ARSF: variants seen among roughly 807,000 people sequenced by gnomAD.
ARSF encodes the protein arylsulfatase F.
Under a neutral mutation model 35.4 loss-of-function variants are expected in ARSF, and 33 were observed. The observed-to-expected ratio is 0.93, with a 90% CI of 0.71 to 1.25. The LOEUF (loss-of-function observed/expected upper bound fraction) is 1.25. Among genes scored for constraint, ARSF ranks in the 50% most tolerant of loss-of-function variants. The pLI, the probability that ARSF is intolerant of heterozygous loss-of-function variation, is 0.00. For missense variants in ARSF, 501 were observed against 480.2 expected, an observed-to-expected ratio of 1.04 and a Z score of -0.40; for synonymous variants, 222 against 193.1, an observed-to-expected ratio of 1.15 and a Z score of -1.24.
At chrX:3,104,852 A>G (rs752105515) in intron 9 of ARSF, among the ~76,000 whole-genome samples, 19 of 112,276 alleles carry the variant, frequency 1.7e-4, no homozygotes, top group African/African-American at 6.1e-4. Flanking sequence ...ACTCATCTCT[A>G]TAAGAAAGGG....
At chrX:3,085,895 C>G (rs1043100250) in intron 6 of ARSF, among the ~76,000 whole-genome samples, 6 of 110,955 alleles carry the variant, frequency 5.4e-5, no homozygotes, top group African/African-American at 2.0e-4. Flanking sequence ...GCCATCTCTA[C>G]TAAAAATACA....
intron 1 of ARSF, chrX:3,058,550 A>G (rs929546728): frequency 6.7e-5 from 21 of 314,705 alleles, no homozygotes; most frequent in African/African-American, 4.6e-4. Context: ...AAGGCAGAAC[A>G]TATCAAGATC....
chrX:3,085,945 C>T (rs1057223493), intron 6 of ARSF, among the ~76,000 whole-genome samples: 4 of 110,455 alleles, frequency 3.6e-5, no homozygotes, highest in African/African-American at 1.3e-4. Flanking sequence ...CGCTTGAATC[C>T]GGGTGGCGGA....
intron 8 of ARSF, among the ~76,000 whole-genome samples, chrX:3,101,441 C>T (rs2090375746): frequency 8.9e-6 from 1 of 111,749 alleles, no homozygotes; most frequent in African/African-American, 3.3e-5. Flanking sequence ...GAGGGAGCAT[C>T]TAGAAATATG....
At chrX:3,090,783 ATGGCTG>A (rs1462841596) in intron 7 of ARSF, among the ~76,000 whole-genome samples, 2 of 112,010 alleles carry the variant, frequency 1.8e-5, no homozygotes, top group Admixed American at 9.5e-5. Flanking sequence ...GTTCTTTTTT[ATGGCTG>A]TGTAATATTC....
chrX:3,074,567 T>C (rs778503425), intron 3 of ARSF, among the ~76,000 whole-genome samples: 2 of 111,743 alleles, frequency 1.8e-5, no homozygotes, highest in African/African-American at 3.2e-5. Context: ...ATTATAGTTC[T>C]GTGTATTTCT....
chrX:3,064,030 A>T (rs2090053300), intron 1 of ARSF, among the ~76,000 whole-genome samples: 1 of 111,917 alleles, frequency 8.9e-6, no homozygotes, highest in African/African-American at 3.3e-5. Flanking sequence ...AGCCGGAGGC[A>T]CCATGCTACC....
At position 3,065,321 on chromosome X, in the gene ARSF, G is replaced by A. The variant is rs186951988; in HGVS notation, c.-28-2752G>A. ...TTGGGGGAGGGATAGCATTGGGAGA[G>A]ATACCTAATGTAAATGACGGGTTGA... On this transcript the variant is annotated intron_variant, in intron 1 of 10. Transcript: ENST00000381127. Among the ~76,000 whole-genome samples the A allele has an allele frequency of 6.9e-3, 750 of 108,658 alleles. 12 individuals are homozygous for A. Among genetic ancestry groups the A allele is most frequent in the African/African-American group, 0.024 (709 of 29,525 alleles). The allele number at this position is 108,658 out of a possible 115,157, so 94.4% of individuals were successfully genotyped here.
At chrX:3,056,713 T>A (rs1312231333) in intron 1 of ARSF, among the ~76,000 whole-genome samples, 3 of 111,934 alleles carry the variant, frequency 2.7e-5, no homozygotes, top group African/African-American at 9.7e-5. Context: ...GTGCTGACTT[T>A]ATCTCAATCT....
At chrX:3,073,621 T>G (rs938090794) in intron 3 of ARSF, among the ~76,000 whole-genome samples, 1 of 97,780 alleles carries the variant, frequency 1.0e-5, no homozygotes, top group Non-Finnish European at 2.1e-5. Flanking sequence ...TAAATATTTA[T>G]AAATATATTT....
intron 1 of ARSF, among the ~76,000 whole-genome samples, chrX:3,051,905 A>G (rs180747736): frequency 1.3e-3 from 142 of 110,840 alleles, no homozygotes; most frequent in African/African-American, 4.6e-3. Flanking sequence ...AGGTGGGAGG[A>G]TTGCTTGAGC....
intron 1 of ARSF, among the ~76,000 whole-genome samples, chrX:3,057,003 G>A (rs1163644204): frequency 2.7e-5 from 3 of 111,582 alleles, no homozygotes; most frequent in Non-Finnish European, 1.9e-5. Flanking sequence ...TACCCTGGAA[G>A]TCAGATGCTC....
intron 7 of ARSF, among the ~76,000 whole-genome samples, chrX:3,095,346 A>G (rs4355969): frequency 0.26 from 27,901 of 107,814 alleles, 2,823 homozygotes; most frequent in African/African-American, 0.33. Flanking sequence ...GACATATGAT[A>G]TTATAATAAA....
chrX:3,045,620 A>G (rs2089971663), intron 1 of ARSF, among the ~76,000 whole-genome samples: 1 of 102,658 alleles, frequency 9.7e-6, no homozygotes, highest in Non-Finnish European at 2.0e-5. Context: ...CAATGGCGCC[A>G]TCTCGGCTCA....
rs548911955 is a variant in ARSF at position 3,055,432 on chromosome X, A to C, written c.-28-12641A>C. Among the ~76,000 whole-genome samples the C allele has an allele frequency of 2.1e-4, 23 of 110,316 alleles. No homozygotes were observed. The South Asian group carries it at 9.1e-3, about 44-fold the overall frequency. On this transcript the variant is annotated intron_variant, in intron 1 of 10. Coordinates refer to ENST00000381127, the MANE Select transcript of ARSF (RefSeq NM_001201539.2). ...GCCTATTTCAAACTATTGCTGGACA[A>C]GATTGCCTGGTTTCTGCTTCCCCTT...
At chrX:3,078,304 C>T (rs1360526973) in intron 4 of ARSF, among the ~76,000 whole-genome samples, 1 of 110,438 alleles carries the variant, frequency 9.1e-6, no homozygotes, top group Non-Finnish European at 1.9e-5. Context: ...ATCCTCCCAC[C>T]TCAGCTTCCT....
intron 1 of ARSF, among the ~76,000 whole-genome samples, chrX:3,065,463 T>A (rs1338118023): frequency 1.9e-5 from 2 of 106,564 alleles, no homozygotes; most frequent in Non-Finnish European, 3.8e-5. Context: ...AATAAATAAA[T>A]AAAATAAAAT....
chrX:3,065,983 G>A (rs5982997), intron 1 of ARSF, among the ~76,000 whole-genome samples: 1 of 111,059 alleles, frequency 9.0e-6, no homozygotes, highest in African/African-American at 3.3e-5. Context: ...CCAGCTATTC[G>A]GGAGGCTGAA....
chrX:3,103,090 C>T (rs1293791513), intron 8 of ARSF, among the ~76,000 whole-genome samples: 2 of 111,128 alleles, frequency 1.8e-5, no homozygotes, highest in Non-Finnish European at 3.8e-5. Flanking sequence ...TGCTTTTATT[C>T]TCAATAATAC....
Sources: gnomAD v4.1 joint callset for allele counts (sites outside exome capture counted in the v4.1 genomes callset) on GRCh38, gnomAD v4.1.1 for gene constraint, MANE v1.5 for transcripts, NCBI Gene and HGNC (gene_info 2026-07-23, HGNC 2026-07-21) for gene names.